The following TEX29 variants were observed in gnomAD, a reference collection of about 807,000 sequenced individuals.
The protein encoded by TEX29 is testis expressed 29.
In TEX29, 26 loss-of-function variants were observed where a neutral mutation model predicts 18.2. That is an observed-to-expected ratio of 1.43 (90% confidence interval 1.04 to 1.98). The LOEUF is 1.98. Ranked by LOEUF, TEX29 falls within the 30% of genes most tolerant of loss-of-function variation. The probability of loss-of-function intolerance (pLI) is 0.00; values close to 1 mark genes in which losing one functional copy is unlikely to be tolerated. For synonymous variants in TEX29, 83 were observed against 78.5 expected (o/e 1.06, Z -0.31); for missense variants, 177 against 194.2 (o/e 0.91, Z 0.53).
chr13:111,322,356 G>C (rs1595683859), intron 2 of TEX29, among the ~76,000 whole-genome samples: 1 of 152,228 alleles, frequency 6.6e-6, no homozygotes, highest in Non-Finnish European at 1.5e-5. Flanking sequence ...TGGCAAGATG[G>C]CCTGTAGCCA....
At chr13:111,332,403 G>T (rs2093683987) in intron 3 of TEX29, among the ~76,000 whole-genome samples, 2 of 151,976 alleles carry the variant, frequency 1.3e-5, no homozygotes, top group Non-Finnish European at 2.9e-5. Context: ...TGGCAACCTT[G>T]TTGAACTTGC....
chr13:111,325,014 A>G (rs2093670482), intron 2 of TEX29, among the ~76,000 whole-genome samples: 1 of 152,138 alleles, frequency 6.6e-6, no homozygotes, highest in African/African-American at 2.4e-5. Flanking sequence ...CTTGCTATCC[A>G]CGCAGACGGG....
chr13:111,343,677 A>G (rs1314292239), intron 5 of TEX29, among the ~76,000 whole-genome samples: 1 of 152,186 alleles, frequency 6.6e-6, no homozygotes, highest in Non-Finnish European at 1.5e-5. Context: ...CAGGATACAA[A>G]CGGCCTGGCC....
chr13:111,339,200 C>T (rs1382228074), intron 3 of TEX29: 17 of 452,006 alleles, frequency 3.8e-5, no homozygotes, highest in South Asian at 1.4e-4. Context: ...GGAGAAGGCA[C>T]GGGAAACTTG....
intron 2 of TEX29, among the ~76,000 whole-genome samples, chr13:111,325,089 C>T (rs955864211): frequency 6.6e-6 from 1 of 152,218 alleles, no homozygotes; most frequent in Non-Finnish European, 1.5e-5. Context: ...TCTCACCTGG[C>T]ACCCCTCAGC....
Position 111,344,135 on chromosome 13 carries a change from G to T in TEX29, c.*12G>T. On this transcript the variant is annotated 3_prime_UTR_variant, in exon 6 of 6. Coordinates refer to ENST00000283547, the MANE Select transcript of TEX29 (RefSeq NM_152324.3). Reference sequence around the variant, plus strand: ...AAACTGAGGACTGACTGAGACGCATGAAGAAGTGGAGATTGTCAGAATTAT... The same window carrying T: ...AAACTGAGGACTGACTGAGACGCATTAAGAAGTGGAGATTGTCAGAATTAT... The T allele has an allele frequency of 6.2e-7, 1 of 1,611,064 alleles. No homozygotes were observed. The highest frequency in any genetic ancestry group is 1.1e-5 in the South Asian group (1 of 90,942).
At chr13:111,331,315 CATT>C (rs1421630953) in intron 3 of TEX29, among the ~76,000 whole-genome samples, 2 of 67,902 alleles carry the variant, frequency 2.9e-5, no homozygotes, top group East Asian at 9.9e-4. Flanking sequence ...ACCATTGTTG[CATT>C]TTTTTTTTTT....
intron 5 of TEX29, 86 bp downstream of exon 5, chr13:111,343,017 A>G (rs1395250642): frequency 4.1e-6 from 6 of 1,476,840 alleles, no homozygotes; most frequent in Non-Finnish European, 5.5e-6. Context: ...AAGGGGCTCA[A>G]CATCTACACA....
chr13:111,334,493 T>C (rs949709636), intron 3 of TEX29, among the ~76,000 whole-genome samples: 1 of 152,246 alleles, frequency 6.6e-6, no homozygotes, highest in African/African-American at 2.4e-5. Flanking sequence ...TGCAGATCCT[T>C]AAGTCAGCCA....
chr13:111,322,354 T>TA (rs2093666171), intron 2 of TEX29, among the ~76,000 whole-genome samples: 1 of 10,238 alleles, frequency 9.8e-5, no homozygotes, highest in Non-Finnish European at 0.01. Context: ...TCTGGCAAGA[T>TA]GGCCTGTAGC....
chr13:111,316,460 TG>T (rs1311315570), upstream of TEX29, among the ~76,000 whole-genome samples: 1 of 152,258 alleles, frequency 6.6e-6, no homozygotes, highest in East Asian at 1.9e-4. Flanking sequence ...GCTGTGCCGT[TG>T]CTGCAAGACG....
intron 3 of TEX29, 94 bp from the exon 4 acceptor site, chr13:111,339,769 C>T (rs1567164721): frequency 7.7e-7 from 1 of 1,303,320 alleles, no homozygotes; most frequent in South Asian, 1.2e-5. Context: ...GCCGGGAGGG[C>T]CCGCACCCGA....
chr13:111,337,126 C>A (rs1018026526), intron 3 of TEX29, among the ~76,000 whole-genome samples: 2 of 152,184 alleles, frequency 1.3e-5, no homozygotes, highest in African/African-American at 2.4e-5. Flanking sequence ...TCAATTCGAT[C>A]GATTCTGTTT....
At chr13:111,335,192 A>G (rs1186279192) in intron 3 of TEX29, among the ~76,000 whole-genome samples, 5 of 152,180 alleles carry the variant, frequency 3.3e-5, no homozygotes. Flanking sequence ...AAAGTTAATT[A>G]TGGGCTTTAC....
chr13:111,317,029 C>T (rs985931838), upstream of TEX29, among the ~76,000 whole-genome samples: 3 of 152,194 alleles, frequency 2.0e-5, no homozygotes, highest in Non-Finnish European at 4.4e-5. Context: ...TCACCCCCCA[C>T]CACGTCCCTC....
intron 2 of TEX29, 40 bp downstream of exon 2, chr13:111,320,988 G>GGGGGGGC: frequency 2.3e-6 from 1 of 431,428 alleles, no homozygotes; most frequent in Non-Finnish European, 4.3e-6. Context: ...TGGGGTGGGG[G>GGGGGGGC]AGCAGTTGGG....
chr13:111,320,911 G>A lies in TEX29; in HGVS notation c.21G>A (p.Val7=), dbSNP rs780337071. 1 of 1,502,222 alleles carries A rather than the reference G, an allele frequency of 6.7e-7. No individual in the cohort carries two copies. Among genetic ancestry groups the A allele is most frequent in the Non-Finnish European group, 9.0e-7 (1 of 1,112,166 alleles). The allele number at this position is 1,502,222 out of a possible 1,614,324, so 93.1% of individuals were successfully genotyped here. MEYVLE[V]KNSPRHLLKQ... ...CAGCAATGGAATACGTGCTGGAAGT[G>A]AAGAACTCTCCGCGGCACCTCCTGA... is the stretch of plus-strand genomic sequence containing the variant. Residue 7 remains valine, a synonymous_variant, in exon 2 of 6, where the codon GTG becomes GTA. Coordinates refer to ENST00000283547, the MANE Select transcript of TEX29 (RefSeq NM_152324.3).
At chr13:111,324,186 C>G (rs537379251) in intron 2 of TEX29, among the ~76,000 whole-genome samples, 1 of 152,326 alleles carries the variant, frequency 6.6e-6, no homozygotes, top group East Asian at 1.9e-4. Context: ...TACTCAGAAT[C>G]TTGTCTTCTC....
chr13:111,322,662 C>T (rs955396290), intron 2 of TEX29, among the ~76,000 whole-genome samples: 3 of 152,218 alleles, frequency 2.0e-5, no homozygotes, highest in African/African-American at 7.2e-5. Flanking sequence ...GGACCCAGCT[C>T]CTGGTGTCTG....
Sources: allele counts gnomAD v4.1 joint callset (sites outside exome capture counted in the v4.1 genomes callset), GRCh38; gene constraint gnomAD v4.1.1; transcripts MANE v1.5; gene names NCBI Gene and HGNC (gene_info 2026-07-23, HGNC 2026-07-21).